AVEN: variants seen among roughly 807,000 people sequenced by gnomAD.
AVEN encodes apoptosis and caspase activation inhibitor, also known as cell death regulator Aven.
A neutral mutation model predicts 38.1 loss-of-function variants in AVEN; 41 were observed. That is an observed-to-expected ratio of 1.08 (90% confidence interval 0.84 to 1.40). The LOEUF (loss-of-function observed/expected upper bound fraction) is 1.40. AVEN is among the 40% of genes most tolerant of loss of function. AVEN has a pLI of 0.00. For synonymous variants in AVEN, 206 were observed against 171.8 expected (o/e 1.20, Z -1.56); for missense variants, 605 against 438.8 (o/e 1.38, Z -3.38).
chr15:34,016,137 A>G lies in AVEN; in HGVS notation c.268-12928T>C, dbSNP rs147092708. On this transcript the variant is annotated intron_variant, in intron 1 of 5. Transcript: ENST00000306730. ...ACTAAAAATACAAAATTAGCTGGGC[A>G]TGGTGGTGCACGCCTGTAATTCCAG... is the stretch of plus-strand genomic sequence containing the variant. Among the ~76,000 whole-genome samples the G allele has an allele frequency of 4.6e-5, 7 of 152,160 alleles. No individual in the cohort carries two copies. The East Asian group carries it at 1.4e-3, about 30-fold the overall frequency.
chr15:33,977,902 A>G, intron 2 of AVEN, among the ~76,000 whole-genome samples: 1 of 151,768 alleles, frequency 6.6e-6, no homozygotes, highest in Non-Finnish European at 1.5e-5. Flanking sequence ...ACGCCACTGC[A>G]CTCCAGCCTG....
chr15:33,859,517 T>A, intron 11 of AVEN: 1 of 1,588,518 alleles, frequency 6.3e-7, no homozygotes. Context: ...GATCTGAGCA[T>A]CTTGCTAAAA....
rs1459240008 is a variant in AVEN at position 34,063,755 on chromosome 15, TG to T, written n.1127-324del. 1 of 1,614,056 alleles carries T rather than the reference TG, an allele frequency of 6.2e-7. No homozygotes were observed. The highest frequency in any genetic ancestry group is 8.5e-7 in the Non-Finnish European group (1 of 1,180,032). ...GTGCTGAAGAGACTGAGGAAACTTTTGTGAAAGCTGAAACTGAAAAAAGTGA... is the reference window on the plus strand; with the variant it reads ...GTGCTGAAGAGACTGAGGAAACTTTTTGAAAGCTGAAACTGAAAAAAGTGA... On this transcript the variant is annotated intron_variant and non_coding_transcript_variant, in intron 4 of 11. Transcript: ENST00000675287. The surrounding 1 kb of genome is among the most constrained non-coding windows in gnomAD (Gnocchi z 4.1).
At position 33,892,258 on chromosome 15, in the gene AVEN, T is replaced by C. The variant is rs1597200613; in HGVS notation, c.446-16263A>G. Reference sequence around the variant, plus strand: ...AGATCCCATTCATCTATTTTGGCTTTTGTTGCCATTGCTTTTGGCATTTTA... The same window carrying C: ...AGATCCCATTCATCTATTTTGGCTTCTGTTGCCATTGCTTTTGGCATTTTA... On this transcript the variant is annotated intron_variant, in intron 2 of 5. Coordinates refer to ENST00000306730, the MANE Select transcript of AVEN (RefSeq NM_020371.3). Among the ~76,000 whole-genome samples, 6 of 152,378 alleles carry C rather than the reference T, an allele frequency of 3.9e-5. No homozygotes were observed. The South Asian group carries it at 1.2e-3, about 32-fold the overall frequency.
chr15:33,983,188 GTGTA>G (rs746070316), intron 2 of AVEN, among the ~76,000 whole-genome samples: 95 of 93,750 alleles, frequency 1.0e-3, no homozygotes, highest in East Asian at 4.1e-3. Context: ...ACACACGTGT[GTGTA>G]TGTGTGTGTA....
intron 2 of AVEN, among the ~76,000 whole-genome samples, chr15:33,999,642 G>A (rs574290190): frequency 5.3e-5 from 8 of 152,048 alleles, no homozygotes; most frequent in South Asian, 2.1e-4. Context: ...TTCTCTCTAC[G>A]TAGATCTAAC....
At chr15:34,031,689 C>T (rs964663139) in intron 1 of AVEN, among the ~76,000 whole-genome samples, 7 of 152,082 alleles carry the variant, frequency 4.6e-5, no homozygotes, top group East Asian at 1.9e-4. Flanking sequence ...GTGATATGGG[C>T]GGTAGGAAAC....
downstream of AVEN, chr15:33,864,325 G>A (rs1445532810): frequency 6.0e-6 from 4 of 665,990 alleles, no homozygotes; most frequent in Non-Finnish European, 1.0e-5. Flanking sequence ...ACCTTTTTGT[G>A]ACTCAATAAG....
At chr15:33,940,967 T>G (rs1296726224) in intron 2 of AVEN, among the ~76,000 whole-genome samples, 1 of 152,234 alleles carries the variant, frequency 6.6e-6, no homozygotes, top group Non-Finnish European at 1.5e-5. Flanking sequence ...CACGGTTTCT[T>G]TACAGAGTAT....
chr15:33,948,240 G>A (rs1778398096), intron 2 of AVEN, among the ~76,000 whole-genome samples: 1 of 151,846 alleles, frequency 6.6e-6, no homozygotes, highest in South Asian at 2.1e-4. Flanking sequence ...GGAATTACAG[G>A]CACCCGCCAC....
chr15:33,937,459 G>C (rs952649865), intron 2 of AVEN, among the ~76,000 whole-genome samples: 1 of 151,598 alleles, frequency 6.6e-6, no homozygotes, highest in South Asian at 2.1e-4. Flanking sequence ...CATGAACCTG[G>C]GAGGCGGAGC....
At chr15:34,038,227 C>T (rs923137650) in intron 1 of AVEN, among the ~76,000 whole-genome samples, 1 of 152,168 alleles carries the variant, frequency 6.6e-6, no homozygotes, top group Non-Finnish European at 1.5e-5. Flanking sequence ...GCATCTGGTC[C>T]CGCCCCCAAA....
In AVEN at chr15:34,038,960, G is replaced by GGGCCGCTCGCTGTGGCGATCTCCGCCA; in HGVS notation, c.60_86dup (p.Gly22_Gly30dup). On this transcript the variant is annotated inframe_insertion, in exon 1 of 6. Coordinates refer to ENST00000306730, the MANE Select transcript of AVEN (RefSeq NM_020371.3). ...CTCTGGCTACCGCCGCTGCGGCTCC[G>GGGCCGCTCGCTGTGGCGATCTCCGCCA]GGCCGCTCGCTGTGGCGATCTCCGC... The GGGCCGCTCGCTGTGGCGATCTCCGCCA allele has an allele frequency of 9.0e-7, 1 of 1,108,478 alleles. No individual in the cohort carries two copies. 68.7% of individuals were successfully genotyped at this position (1,108,478 alleles called of 1,614,324 possible).
chr15:34,023,952 A>C (rs1364603931), intron 1 of AVEN, among the ~76,000 whole-genome samples: 1 of 152,172 alleles, frequency 6.6e-6, no homozygotes, highest in Non-Finnish European at 1.5e-5. Flanking sequence ...CAGAGAGTGG[A>C]TTTGATTTCA....
downstream of AVEN, chr15:33,865,873 G>A (rs932004621): frequency 6.6e-6 from 1 of 152,550 alleles, no homozygotes. Flanking sequence ...CTTACTTTAT[G>A]AAACTGCACT....
chr15:33,888,879 G>T (rs1024536369), intron 2 of AVEN, among the ~76,000 whole-genome samples: 1 of 152,018 alleles, frequency 6.6e-6, no homozygotes, highest in South Asian at 2.1e-4. Flanking sequence ...GCCTCCCCAA[G>T]TAGCTAGGAC....
chr15:33,944,583 G>A (rs955226530), intron 2 of AVEN, among the ~76,000 whole-genome samples: 1 of 152,204 alleles, frequency 6.6e-6, no homozygotes, highest in African/African-American at 2.4e-5. Flanking sequence ...GCCGAGGCGG[G>A]TGGATCACGA....
At chr15:33,866,057 CAAATACAATG>C (rs1270204210), downstream of AVEN, 2 of 155,288 alleles carry the variant, frequency 1.3e-5, no homozygotes, top group African/African-American at 4.8e-5. Flanking sequence ...TGAATCTCCT[CAAATACAATG>C]AAGTGCCCAC....
downstream of AVEN, chr15:33,857,896 G>A (rs1374677399): frequency 6.2e-6 from 10 of 1,614,194 alleles, no homozygotes; most frequent in Non-Finnish European, 7.6e-6. Context: ...CCGATATGAA[G>A]TGCGACGACA....
Sources: gnomAD v4.1 joint callset for allele counts (sites outside exome capture counted in the v4.1 genomes callset) on GRCh38, gnomAD v4.1.1 for gene constraint, Gnocchi (gnomAD v3.1) non-coding constraint, MANE v1.5 for transcripts, NCBI Gene and HGNC (gene_info 2026-07-23, HGNC 2026-07-21) for gene names.